Variants in ASTN2 observed in about 807,000 individuals in gnomAD.
ASTN2 encodes astrotactin-2.
In ASTN2, 54 loss-of-function variants were observed where a neutral mutation model predicts 139.8. The observed-to-expected ratio is 0.39, with a 90% CI of 0.31 to 0.48. ASTN2 has a LOEUF of 0.48. Ranked by LOEUF, ASTN2 falls within the 20% of genes least tolerant of loss-of-function variation. The pLI, the probability that ASTN2 is intolerant of heterozygous loss-of-function variation, is 0.95. For missense variants in ASTN2, 1,565 were observed against 1,725.1 expected, an observed-to-expected ratio of 0.91 and a Z score of 1.64; for synonymous variants, 756 against 719.5, an observed-to-expected ratio of 1.05 and a Z score of -0.81.
At chr9:117,287,099 G>A (rs916170231) in intron 2 of ASTN2, among the ~76,000 whole-genome samples, 1 of 152,116 alleles carries the variant, frequency 6.6e-6, no homozygotes, top group Non-Finnish European at 1.5e-5. Flanking sequence ...AATAATAGAG[G>A]TGCTGCACTT....
intron 16 of ASTN2, among the ~76,000 whole-genome samples, chr9:116,711,546 T>TA (rs1265521231): frequency 1.3e-5 from 2 of 152,210 alleles, no homozygotes; most frequent in African/African-American, 4.8e-5. Context: ...GATTGGTGTA[T>TA]ACCCAGCTGC....
chr9:117,278,255 A>G (rs1306958949), intron 2 of ASTN2, among the ~76,000 whole-genome samples: 1 of 152,246 alleles, frequency 6.6e-6, no homozygotes, highest in Non-Finnish European at 1.5e-5. Flanking sequence ...ATGAACATTA[A>G]TTGCAGCAGT....
At chr9:116,455,627 AT>A (rs2118942089) in intron 20 of ASTN2, among the ~76,000 whole-genome samples, 1 of 152,168 alleles carries the variant, frequency 6.6e-6, no homozygotes, top group South Asian at 2.1e-4. Context: ...CTCTTCTTAG[AT>A]TGAAGAAAAA....
At chr9:116,509,341 TC>T (rs1366776652) in intron 19 of ASTN2, among the ~76,000 whole-genome samples, 1 of 152,184 alleles carries the variant, frequency 6.6e-6, no homozygotes, top group African/African-American at 2.4e-5. Flanking sequence ...CATGAACTCA[TC>T]CTTTTTTATG....
chr9:116,565,388 C>CTCTCTCTCCATATAT (rs1564120372), intron 19 of ASTN2, among the ~76,000 whole-genome samples: 2 of 34,012 alleles, frequency 5.9e-5, no homozygotes, highest in African/African-American at 2.8e-4. Context: ...TCTCTCTCTC[C>CTCTCTCTCCATATAT]ATATATATAT....
At chr9:116,989,586 GTTT>G (rs56128640) in intron 7 of ASTN2, among the ~76,000 whole-genome samples, 4 of 137,294 alleles carry the variant, frequency 2.9e-5, no homozygotes, top group African/African-American at 8.2e-5. Context: ...TTATATTTGG[GTTT>G]TTTTTTTTTT....
chr9:117,275,564 C>CT (rs57767279), intron 2 of ASTN2, among the ~76,000 whole-genome samples: 81,920 of 119,150 alleles, frequency 0.69, 29,365 homozygotes, highest in Non-Finnish European at 0.77. Flanking sequence ...ATCTCTCCCT[C>CT]TTTTTTTTTT....
chr9:116,702,483 A>G (rs1424677069), intron 16 of ASTN2, among the ~76,000 whole-genome samples: 3 of 152,190 alleles, frequency 2.0e-5, no homozygotes, highest in Middle Eastern at 3.4e-3. Flanking sequence ...TATTATATAA[A>G]TCACTGTGTT....
At chr9:116,430,354 T>C (rs2118822752) in intron 22 of ASTN2, among the ~76,000 whole-genome samples, 1 of 152,272 alleles carries the variant, frequency 6.6e-6, no homozygotes, top group African/African-American at 2.4e-5. Flanking sequence ...GAAGATGAAG[T>C]GTTGGCTCTA....
At chr9:117,386,597 T>C (rs1453541692) in intron 1 of ASTN2, among the ~76,000 whole-genome samples, 1 of 151,988 alleles carries the variant, frequency 6.6e-6, no homozygotes, top group East Asian at 1.9e-4. Flanking sequence ...GAAAAAGACA[T>C]GGGAGGTGAG....
At chr9:117,310,013 TTTC>T (rs1485857044) in intron 1 of ASTN2, among the ~76,000 whole-genome samples, 4 of 152,160 alleles carry the variant, frequency 2.6e-5, no homozygotes, top group African/African-American at 9.7e-5. Context: ...TCTGAGCCTG[TTTC>T]TTCATCTCTG....
At chr9:116,682,282 C>T (rs1257143568) in intron 16 of ASTN2, among the ~76,000 whole-genome samples, 3 of 152,122 alleles carry the variant, frequency 2.0e-5, no homozygotes, top group African/African-American at 7.2e-5. Flanking sequence ...AAAATGCTCA[C>T]CATCACTGGC....
At chr9:117,202,580 T>C (rs1348121877) in intron 3 of ASTN2, among the ~76,000 whole-genome samples, 4 of 152,288 alleles carry the variant, frequency 2.6e-5, no homozygotes, top group African/African-American at 9.6e-5. Flanking sequence ...AAAGATTTTC[T>C]TTGTCCTTTG....
intron 13 of ASTN2, among the ~76,000 whole-genome samples, 161 bp downstream of exon 13, chr9:116,805,471 G>A (rs1415649607): frequency 6.6e-6 from 1 of 152,134 alleles, no homozygotes; most frequent in African/African-American, 2.4e-5. Flanking sequence ...ATGGAATAAA[G>A]TTTGATGACT....
At chr9:116,503,601 T>C (rs1380609915) in intron 19 of ASTN2, among the ~76,000 whole-genome samples, 1 of 152,178 alleles carries the variant, frequency 6.6e-6, no homozygotes, top group African/African-American at 2.4e-5. Flanking sequence ...TTTACAAGCT[T>C]CTAATTCATA....
chr9:117,137,956 C>A (rs1829991479), intron 4 of ASTN2, among the ~76,000 whole-genome samples: 1 of 152,162 alleles, frequency 6.6e-6, no homozygotes, highest in Non-Finnish European at 1.5e-5. Context: ...AAATAGAATT[C>A]TCTGGGCGTT....
intron 16 of ASTN2, chr9:116,686,898 C>T: frequency 6.6e-7 from 1 of 1,521,248 alleles, no homozygotes; most frequent in Non-Finnish European, 8.8e-7. Flanking sequence ...TCTCGACTTC[C>T]CCAGAATGGA....
chr9:117,066,881 AG>A (rs1362072810), intron 5 of ASTN2, among the ~76,000 whole-genome samples: 1 of 127,076 alleles, frequency 7.9e-6, no homozygotes, highest in African/African-American at 3.0e-5. Context: ...AATTTGTTTG[AG>A]TTCATTGTAG....
chr9:116,509,345 T>C (rs1380137639), intron 19 of ASTN2, among the ~76,000 whole-genome samples: 1 of 152,206 alleles, frequency 6.6e-6, no homozygotes, highest in African/African-American at 2.4e-5. Context: ...AACTCATCCT[T>C]TTTTATGGCT....
Sources: allele counts gnomAD v4.1 joint callset (sites outside exome capture counted in the v4.1 genomes callset), GRCh38; gene constraint gnomAD v4.1.1; transcripts MANE v1.5; gene names NCBI Gene and HGNC (gene_info 2026-07-23, HGNC 2026-07-21).